The following CASK variants were observed in gnomAD, a reference collection of about 807,000 sequenced individuals.
The protein encoded by CASK is calcium/calmodulin dependent serine protein kinase.
Under a neutral mutation model 82.9 loss-of-function variants are expected in CASK, and 4 were observed. The observed-to-expected ratio is 0.05, with a 90% CI of 0.02 to 0.11. CASK has a LOEUF of 0.11. Ranked by LOEUF, CASK falls within the 10% of genes least tolerant of loss-of-function variation. The pLI, the probability that CASK is intolerant of heterozygous loss-of-function variation, is 1.00. For missense variants in CASK, 358 were observed against 720.9 expected (o/e 0.50, Z 5.76); for synonymous variants, 259 against 253.5 (o/e 1.02, Z -0.20).
At chrX:41,641,939 C>T (rs1298542772) in intron 8 of CASK, among the ~76,000 whole-genome samples, 2 of 100,998 alleles carry the variant, frequency 2.0e-5, no homozygotes, top group African/African-American at 3.7e-5. Context: ...TGTTCCCCAC[C>T]CTGTGTCCAA....
chrX:41,841,221 G>A (rs2071031381), intron 2 of CASK, among the ~76,000 whole-genome samples: 1 of 110,746 alleles, frequency 9.0e-6, no homozygotes. Flanking sequence ...TTTTTGTTTT[G>A]TTTTTTTACT....
chrX:41,804,292 G>T (rs1270989762), intron 2 of CASK, among the ~76,000 whole-genome samples: 2 of 111,262 alleles, frequency 1.8e-5, no homozygotes, highest in Non-Finnish European at 3.8e-5. Flanking sequence ...AGGCTGCAGT[G>T]AGCCAAGATC....
At chrX:41,724,958 T>C (rs1476958120) in intron 5 of CASK, among the ~76,000 whole-genome samples, 3 of 112,088 alleles carry the variant, frequency 2.7e-5, no homozygotes, top group Non-Finnish European at 5.6e-5. Flanking sequence ...AGCAGATAAT[T>C]TTTTCTTAAA....
intron 2 of CASK, among the ~76,000 whole-genome samples, chrX:41,813,179 T>C (rs868458429): frequency 9.0e-6 from 1 of 111,412 alleles, no homozygotes; most frequent in Admixed American, 9.6e-5. Context: ...AGGTAATTTA[T>C]AGATTCAATG....
chrX:41,732,373 T>TG (rs2068411484), intron 5 of CASK, among the ~76,000 whole-genome samples: 1 of 111,493 alleles, frequency 9.0e-6, no homozygotes, highest in Non-Finnish European at 1.9e-5. Context: ...AAGAGGAAGA[T>TG]GGCCCATTCT....
intron 15 of CASK, among the ~76,000 whole-genome samples, chrX:41,572,550 C>T: frequency 2.7e-5 from 3 of 111,293 alleles, no homozygotes; most frequent in Middle Eastern, 9.2e-3. Context: ...ACATATAACC[C>T]TTATCCCCCC....
At chrX:41,647,978 G>C (rs1348404282) in intron 8 of CASK, among the ~76,000 whole-genome samples, 2 of 112,000 alleles carry the variant, frequency 1.8e-5, no homozygotes, top group Non-Finnish European at 3.8e-5. Flanking sequence ...AAAAGAACAG[G>C]ATAACAGCAA....
intron 5 of CASK, among the ~76,000 whole-genome samples, chrX:41,717,674 C>T (rs2068085933): frequency 8.9e-6 from 1 of 111,945 alleles, no homozygotes; most frequent in Non-Finnish European, 1.9e-5. Context: ...TGGAAGCCTG[C>T]AAACCTGAGT....
intron 12 of CASK, among the ~76,000 whole-genome samples, chrX:41,601,275 C>A (rs2065890915): frequency 9.1e-6 from 1 of 110,246 alleles, no homozygotes. Flanking sequence ...TATATCTTGC[C>A]ACAACAAAAA....
intron 2 of CASK, among the ~76,000 whole-genome samples, chrX:41,793,078 T>C (rs1346135592): frequency 2.7e-5 from 3 of 112,473 alleles, no homozygotes; most frequent in African/African-American, 9.7e-5. Flanking sequence ...CTATAGCTTC[T>C]TTTAATAACC....
At chrX:41,523,841 T>C (rs1360352672) in intron 26 of CASK, 110 bp downstream of exon 26, 1 of 605,964 alleles carries the variant, frequency 1.7e-6, no homozygotes, top group Non-Finnish European at 2.8e-6. Context: ...CCACATCCCA[T>C]TTCATCAGAG....
intron 3 of CASK, among the ~76,000 whole-genome samples, chrX:41,785,153 T>A (rs2069565822): frequency 9.2e-6 from 1 of 108,622 alleles, no homozygotes; most frequent in Non-Finnish European, 1.9e-5. Flanking sequence ...ACTACAGGCG[T>A]GTGCCACCAT....
Position 41,518,172 on chromosome X carries a change from G to C in CASK, c.*2248C>G. ...CATCATCAGCATCTCTGGAGATGTG[G>C]GCTCAAAGGGCAAGTGGGGGCGTGG... On this transcript the variant is annotated 3_prime_UTR_variant, in exon 27 of 27. Coordinates refer to ENST00000378163, the MANE Select transcript of CASK (RefSeq NM_001367721.1). 1 of 136,648 alleles carries C rather than the reference G, an allele frequency of 7.3e-6. No homozygotes were observed. The highest frequency in any genetic ancestry group is 1.9e-4 in the East Asian group (1 of 5,279). The allele number at this position is 136,648 out of a possible 1,213,427, so 11.3% of individuals were successfully genotyped here. A position where few individuals can be genotyped will look rare whatever the true frequency, so the allele number is the denominator to read the frequency against.
chrX:41,664,081 A>T (rs1200781937), intron 7 of CASK, among the ~76,000 whole-genome samples: 2 of 111,760 alleles, frequency 1.8e-5, no homozygotes, highest in East Asian at 5.6e-4. Context: ...GGAGCAGAAT[A>T]TGCTACACTG....
intron 3 of CASK, among the ~76,000 whole-genome samples, chrX:41,779,463 T>C (rs964272057): frequency 4.5e-5 from 5 of 111,790 alleles, no homozygotes; most frequent in African/African-American, 6.5e-5. Context: ...ATATGCTGAG[T>C]CCTTTGAGTT....
At chrX:41,777,260 G>A (rs914619755) in intron 3 of CASK, among the ~76,000 whole-genome samples, 4 of 111,164 alleles carry the variant, frequency 3.6e-5, no homozygotes, top group African/African-American at 6.5e-5. Context: ...AGGAGGCAGA[G>A]GCAGGCGGAT....
chrX:41,613,335 C>T (rs2066135515), intron 11 of CASK, among the ~76,000 whole-genome samples: 1 of 101,708 alleles, frequency 9.8e-6, no homozygotes, highest in East Asian at 3.1e-4. Context: ...ACCTTACCCC[C>T]AACCCTGTGC....
chrX:41,548,028 A>T (rs182306855), intron 21 of CASK, among the ~76,000 whole-genome samples: 115 of 112,190 alleles, frequency 1.0e-3, no homozygotes, highest in African/African-American at 3.6e-3. Flanking sequence ...TCATCTGCAA[A>T]TTTTTTCCCT....
intron 22 of CASK, among the ~76,000 whole-genome samples, chrX:41,538,136 G>A (rs1024492718): frequency 1.6e-4 from 18 of 111,187 alleles, no homozygotes; most frequent in African/African-American, 5.2e-4. Flanking sequence ...ATGAGCCGCT[G>A]CGCACAGCCT....
Sources: allele counts gnomAD v4.1 joint callset (sites outside exome capture counted in the v4.1 genomes callset), GRCh38; gene constraint gnomAD v4.1.1; transcripts MANE v1.5; gene names NCBI Gene and HGNC (gene_info 2026-07-23, HGNC 2026-07-21).